Variants in DNAI4 observed in about 807,000 individuals in gnomAD.
DNAI4 encodes WD repeat domain 78.
DNAI4 carries 85 observed loss-of-function variants against 105.8 expected under a neutral mutation model. The ratio of observed to expected loss-of-function variants is 0.80; its 90% CI spans 0.67 to 0.96. The LOEUF (loss-of-function observed/expected upper bound fraction) is 0.96, where lower values mean the gene tolerates loss of function less well. Among genes scored for constraint, DNAI4 ranks in the 40% least tolerant of loss-of-function variants. The pLI is 0.00. For synonymous variants in DNAI4, 352 were observed against 331.5 expected (o/e 1.06, Z -0.67); for missense variants, 1,014 against 1,005.6 (o/e 1.01, Z -0.11).
intron 7 of DNAI4, among the ~76,000 whole-genome samples, chr1:66,858,532 CAAAA>C (rs3033717): frequency 1.6e-5 from 1 of 63,602 alleles, no homozygotes; most frequent in Non-Finnish European, 3.1e-5. Context: ...GACTCCGTCT[CAAAA>C]AAAAAAAAAA....
At chr1:66,901,430 T>C (rs1648811623) in intron 2 of DNAI4, among the ~76,000 whole-genome samples, 2 of 152,224 alleles carry the variant, frequency 1.3e-5, no homozygotes, top group South Asian at 4.1e-4. Context: ...TTTTCTGATT[T>C]TCCTTTTAAT....
chr1:66,893,694 G>A (rs4255358), intron 2 of DNAI4, among the ~76,000 whole-genome samples: 19,591 of 152,112 alleles, frequency 0.13, 1,340 homozygotes, highest in Middle Eastern at 0.21. Flanking sequence ...CATCCAGATT[G>A]TTAGTATTTT....
chr1:66,824,116 CT>C (rs1291251032), intron 15 of DNAI4, among the ~76,000 whole-genome samples: 9 of 132,584 alleles, frequency 6.8e-5, no homozygotes, highest in African/African-American at 2.6e-4. Context: ...CCAGTTTCAG[CT>C]TTCTACATAT....
At chr1:66,825,166 C>CTTTTTTTTT (rs759572433) in intron 15 of DNAI4, among the ~76,000 whole-genome samples, 2 of 95,910 alleles carry the variant, frequency 2.1e-5, no homozygotes, top group Non-Finnish European at 4.0e-5. Context: ...TAATAACTGT[C>CTTTTTTTTT]TTTTTTTTTT....
chr1:66,849,309 C>T (rs954270496), intron 7 of DNAI4, among the ~76,000 whole-genome samples: 5 of 92,824 alleles, frequency 5.4e-5, no homozygotes, highest in Non-Finnish European at 1.1e-4. Context: ...ATCACTGCCC[C>T]ATGGTAATGA....
At chr1:66,911,995 C>G (rs1024398700) in intron 1 of DNAI4, among the ~76,000 whole-genome samples, 1 of 152,138 alleles carries the variant, frequency 6.6e-6, no homozygotes, top group Admixed American at 6.5e-5. Flanking sequence ...GCCTGTATCA[C>G]CACACCTAGC....
rs1378542707 is a variant in DNAI4, at chr1:66,822,430, T to A, written c.2427A>T (p.Val809=). 6.2e-7 allele frequency: 1 copy of A among 1,613,734 alleles called. No individual in the cohort carries two copies. The highest frequency in any genetic ancestry group is 8.5e-7 in the Non-Finnish European group (1 of 1,179,804). ...LFAKQTDCLL[V]GDSDGQVSVY... ...CAGAAACCTGTCCATCACTGTCTCC[T>A]ACCAGAAGGCAATCTGTTTGTTTGG... Residue 809 remains valine (V), a synonymous_variant, in exon 16 of 17, where the codon GTA becomes GTT. Transcript: ENST00000371026.
chr1:66,863,489 T>C (rs988696844), intron 6 of DNAI4, among the ~76,000 whole-genome samples: 34 of 152,128 alleles, frequency 2.2e-4, no homozygotes, highest in African/African-American at 8.0e-4. Flanking sequence ...TTAAGAGTTT[T>C]GCTCTGTTGC....
chr1:66,892,313 G>T (rs1444148134), intron 3 of DNAI4, among the ~76,000 whole-genome samples: 4 of 152,148 alleles, frequency 2.6e-5, no homozygotes, highest in Non-Finnish European at 4.4e-5. Flanking sequence ...TATAAAATAA[G>T]AGAGAAATCA....
chr1:66,896,127 C>A (rs1396031886), intron 2 of DNAI4, among the ~76,000 whole-genome samples: 1 of 152,134 alleles, frequency 6.6e-6, no homozygotes, highest in South Asian at 2.1e-4. Flanking sequence ...GTATGTTTGA[C>A]ACATACCACA....
Position 66,916,234 on chromosome 1 carries a change from T to A in DNAI4, c.170+8428A>T, listed in dbSNP as rs112644784. Among the ~76,000 whole-genome samples the A allele has an allele frequency of 2.0e-3, 299 of 152,170 alleles. 1 individual carries two copies. Among genetic ancestry groups the A allele is most frequent in the African/African-American group, 6.0e-3 (249 of 41,506 alleles). On this transcript the variant is annotated intron_variant, in intron 1 of 16. Coordinates refer to ENST00000371026, the MANE Select transcript of DNAI4 (RefSeq NM_024763.5). The stretch of plus-strand genomic sequence containing the variant: ...GTAAATCACAAAAGAGGATTTATTT[T>A]AAAAAAAACTTTTATATGATCAAGT...
Position 66,893,402 on chromosome 1 carries a change from T to A in DNAI4, c.357A>T (p.Ile119=), listed in dbSNP as rs1648033228. The A allele has an allele frequency of 6.4e-7, 1 of 1,553,228 alleles. No individual in the cohort carries two copies. The highest frequency in any genetic ancestry group is 2.4e-5 in the East Asian group (1 of 42,186). Reference sequence around the variant, plus strand: ...GTCGGGGAGTAACATCAGTTCCATTTATGTCAAATACCTGTTAAAAATGGT... The same window carrying A: ...GTCGGGGAGTAACATCAGTTCCATTAATGTCAAATACCTGTTAAAAATGGT... The part of the protein sequence containing the change: ...PNIKTTQVFD[I]NGTDVTPRPL... Residue 119 remains isoleucine, a synonymous_variant, in exon 3 of 17, where the codon ATA becomes ATT. Transcript: ENST00000371026.
chr1:66,834,845 C>T (rs1365355453), intron 11 of DNAI4, among the ~76,000 whole-genome samples: 1 of 152,036 alleles, frequency 6.6e-6, no homozygotes, highest in African/African-American at 2.4e-5. Context: ...ATTATGGACC[C>T]TCTTCCCAGA....
intron 5 of DNAI4, among the ~76,000 whole-genome samples, chr1:66,872,033 T>C (rs1646857799): frequency 6.6e-6 from 1 of 152,144 alleles, no homozygotes; most frequent in African/African-American, 2.4e-5. Flanking sequence ...TCTCTAATTG[T>C]TGAGTGCAGA....
chr1:66,907,495 C>G (rs1048186807), intron 1 of DNAI4, among the ~76,000 whole-genome samples: 13 of 152,120 alleles, frequency 8.5e-5, no homozygotes, highest in Non-Finnish European at 1.3e-4. Flanking sequence ...TTTGAGCTCC[C>G]CTTTTACAGA....
intron 1 of DNAI4, among the ~76,000 whole-genome samples, chr1:66,912,968 T>C (rs530635517): frequency 6.6e-6 from 1 of 152,278 alleles, no homozygotes; most frequent in African/African-American, 2.4e-5. Context: ...GCTGTACAAC[T>C]CCCTTTTTTT....
chr1:66,839,947 C>T (rs190710035), intron 9 of DNAI4, among the ~76,000 whole-genome samples: 6 of 152,056 alleles, frequency 3.9e-5, no homozygotes, highest in Non-Finnish European at 7.4e-5. Flanking sequence ...TGTGTTAGTA[C>T]GGTTAAAACA....
chr1:66,821,352 GT>G (rs1645622741), intron 16 of DNAI4, among the ~76,000 whole-genome samples: 1 of 151,954 alleles, frequency 6.6e-6, no homozygotes, highest in African/African-American at 2.4e-5. Context: ...ACCTGCCTCG[GT>G]CTCCAAAAGT....
At chr1:66,850,076 A>G (rs1646363933) in intron 7 of DNAI4, among the ~76,000 whole-genome samples, 1 of 151,790 alleles carries the variant, frequency 6.6e-6, no homozygotes, top group Admixed American at 6.6e-5. Context: ...ATAAATCACA[A>G]TGATGATAAA....
Sources: allele counts gnomAD v4.1 joint callset (sites outside exome capture counted in the v4.1 genomes callset), GRCh38; gene constraint gnomAD v4.1.1; transcripts MANE v1.5; gene names NCBI Gene and HGNC (gene_info 2026-07-23, HGNC 2026-07-21).